The following PCNX2 variants were observed in gnomAD, a reference collection of about 807,000 sequenced individuals.
PCNX2 encodes the protein pecanex 2.
In PCNX2, 168 loss-of-function variants were observed where a neutral mutation model predicts 223.8. The ratio of observed to expected loss-of-function variants is 0.75; its 90% CI spans 0.66 to 0.85. The LOEUF (loss-of-function observed/expected upper bound fraction) is 0.85. Among genes scored for constraint, PCNX2 ranks in the 40% least tolerant of loss-of-function variants. The probability of loss-of-function intolerance (pLI) is 0.00; values close to 1 mark genes in which losing one functional copy is unlikely to be tolerated. For synonymous variants in PCNX2, 1,006 were observed against 1,052.6 expected, an observed-to-expected ratio of 0.96 and a Z score of 0.86; for missense variants, 2,507 against 2,675.5, an observed-to-expected ratio of 0.94 and a Z score of 1.39.
At chr1:233,031,960 T>C (rs10910646) in intron 25 of PCNX2, 362,612 of 984,682 alleles carry the variant, frequency 0.37, 72,843 homozygotes, top group African/African-American at 0.79. Flanking sequence ...GACCCTTGGA[T>C]TGCAAACCCT....
chr1:233,274,006 A>T (rs1660785747), intron 1 of PCNX2, among the ~76,000 whole-genome samples: 1 of 152,190 alleles, frequency 6.6e-6, no homozygotes, highest in South Asian at 2.1e-4. Flanking sequence ...TACTACTAGG[A>T]CATTTAACTT....
intron 25 of PCNX2, among the ~76,000 whole-genome samples, chr1:233,030,923 C>T (rs6656981): frequency 0.18 from 27,345 of 152,176 alleles, 2,621 homozygotes; most frequent in African/African-American, 0.25. Flanking sequence ...TCACTCCTGT[C>T]TGGTACTCTG....
chr1:233,099,279 T>C (rs573452408), intron 21 of PCNX2, among the ~76,000 whole-genome samples: 23 of 152,280 alleles, frequency 1.5e-4, no homozygotes, highest in Middle Eastern at 6.8e-3. Flanking sequence ...ATCCAAGATT[T>C]CCTGCTGACA....
intron 26 of PCNX2, among the ~76,000 whole-genome samples, chr1:233,021,276 C>T (rs375399692): frequency 2.0e-5 from 3 of 152,218 alleles, no homozygotes; most frequent in East Asian, 1.9e-4. Context: ...GCCCAAAAAT[C>T]TCAGCCCCAT....
intron 19 of PCNX2, among the ~76,000 whole-genome samples, chr1:233,158,598 CAAACAGGTAAAGGTATAGATATAG>C (rs1678272128): frequency 6.6e-6 from 1 of 151,748 alleles, no homozygotes. Flanking sequence ...GTGTAGGTTA[CAAACAGGTAAAGGTATAGATATAG>C]ACAAAAGTAA....
chr1:233,322,067 T>C, the PCNX2 span, among the ~76,000 whole-genome samples: 2 of 152,230 alleles, frequency 1.3e-5, no homozygotes, highest in Admixed American at 6.5e-5. Flanking sequence ...GGGTTGATTC[T>C]TCTTTCAAGA....
At chr1:233,246,892 GCTTT>G (rs1171726034) in intron 8 of PCNX2, among the ~76,000 whole-genome samples, 1 of 152,182 alleles carries the variant, frequency 6.6e-6, no homozygotes, top group Non-Finnish European at 1.5e-5. Context: ...TTCTTATTCT[GCTTT>G]CTGAGAATTT....
At chr1:233,134,457 A>C (rs1316943705) in intron 21 of PCNX2, among the ~76,000 whole-genome samples, 1 of 152,226 alleles carries the variant, frequency 6.6e-6, no homozygotes, top group Non-Finnish European at 1.5e-5. Flanking sequence ...TCTTGACTTC[A>C]GACAAACTAA....
At chr1:233,154,631 T>C (rs1177769324) in intron 19 of PCNX2, among the ~76,000 whole-genome samples, 1 of 152,248 alleles carries the variant, frequency 6.6e-6, no homozygotes, top group Non-Finnish European at 1.5e-5. Context: ...ACGCAACATT[T>C]AATTATATAA....
intron 23 of PCNX2, among the ~76,000 whole-genome samples, chr1:233,063,564 T>C (rs1196180897): frequency 6.6e-6 from 1 of 152,228 alleles, no homozygotes; most frequent in African/African-American, 2.4e-5. Flanking sequence ...ACTTTAAAGA[T>C]CTTTTTTGAT....
rs376271280 is a variant in PCNX2 at position 232,996,498 on chromosome 1, C to T, written c.5791+1753G>A. On this transcript the variant is annotated intron_variant, in intron 32 of 33. Transcript: ENST00000258229. ...CTCCAGCAGGTGTCCTGCAGGGCCT[C>T]AGAGTAAACAGCATGGGGTGGGTGG... 2.0e-3 allele frequency among the ~76,000 whole-genome samples: 296 copies of T among 148,510 alleles called. 2 individuals are homozygous for T. The highest frequency in any genetic ancestry group is 6.8e-3 in the African/African-American group (275 of 40,460).
intron 21 of PCNX2, among the ~76,000 whole-genome samples, chr1:233,120,278 A>G (rs921761407): frequency 1.3e-5 from 2 of 152,060 alleles, no homozygotes; most frequent in Non-Finnish European, 1.5e-5. Flanking sequence ...AATCTAGACC[A>G]TACAAAAACT....
chr1:233,320,685 T>G, the PCNX2 span, among the ~76,000 whole-genome samples: 1 of 152,198 alleles, frequency 6.6e-6, no homozygotes, highest in Non-Finnish European at 1.5e-5. Context: ...TTAATACACT[T>G]TGAATGGATC....
In PCNX2 at chr1:233,258,777, G is replaced by C; in HGVS notation, c.1085C>G (p.Ser362Cys). ...SEVAVTLIDT[S>C]QPGDPLSLHE... is the part of the protein sequence containing the mutation. ...TAGACTCAGTGGGTCTCCGGGTTGA[G>C]AAGTATCGATGAGAGTAACAGCTAC... Residue 362 changes from serine (S) to cysteine (C), a missense_variant, in exon 5 of 34, where the codon TCT (serine) becomes TGT (cysteine). By Grantham distance (112) the Ser-to-Cys change is moderately radical. Coordinates refer to ENST00000258229, the MANE Select transcript of PCNX2 (RefSeq NM_014801.4). The C allele has an allele frequency of 6.2e-7, 1 of 1,613,864 alleles. No homozygotes were observed. Among genetic ancestry groups the C allele is most frequent in the Non-Finnish European group, 8.5e-7 (1 of 1,179,836 alleles).
At chr1:233,187,973 T>C (rs1680201601) in intron 15 of PCNX2, among the ~76,000 whole-genome samples, 1 of 152,250 alleles carries the variant, frequency 6.6e-6, no homozygotes, top group African/African-American at 2.4e-5. Flanking sequence ...TTATTAACAT[T>C]GTGGTTACAG....
chr1:233,067,280 G>A (rs957956002), intron 23 of PCNX2, among the ~76,000 whole-genome samples: 2 of 142,076 alleles, frequency 1.4e-5, no homozygotes, highest in Non-Finnish European at 3.0e-5. Context: ...GAAATTATCT[G>A]ACAAATATTT....
intron 15 of PCNX2, among the ~76,000 whole-genome samples, chr1:233,197,411 C>A (rs189687639): frequency 6.8e-4 from 104 of 152,238 alleles, no homozygotes; most frequent in African/African-American, 2.3e-3. Context: ...TACAAGGACT[C>A]AGAAAATACT....
intron 19 of PCNX2, among the ~76,000 whole-genome samples, chr1:233,148,231 G>A (rs965462722): frequency 6.6e-6 from 1 of 152,060 alleles, no homozygotes; most frequent in Non-Finnish European, 1.5e-5. Context: ...TCATCCCAAG[G>A]CACGGTTTTC....
the PCNX2 span, among the ~76,000 whole-genome samples, chr1:233,305,306 AAATGAGAT>A: frequency 2.0e-5 from 3 of 152,238 alleles, no homozygotes; most frequent in Non-Finnish European, 4.4e-5. Flanking sequence ...AGCACAAAGG[AAATGAGAT>A]AAAATGGAGT....
Sources: allele counts gnomAD v4.1 joint callset (sites outside exome capture counted in the v4.1 genomes callset), GRCh38; gene constraint gnomAD v4.1.1; transcripts MANE v1.5; gene names NCBI Gene and HGNC (gene_info 2026-07-23, HGNC 2026-07-21).